Variants in PSD3 observed in about 807,000 individuals in gnomAD.
PSD3 encodes pleckstrin and Sec7 domain containing 3.
A neutral mutation model predicts 105.5 loss-of-function variants in PSD3; 49 were observed. The observed-to-expected ratio is 0.46, with a 90% confidence interval of 0.37 to 0.59. PSD3 has a LOEUF of 0.59. Among genes scored for constraint, PSD3 ranks in the 20% least tolerant of loss-of-function variants. The pLI is 0.00. For missense variants in PSD3, 1,561 were observed against 1,263.8 expected (o/e 1.24, Z -3.57); for synonymous variants, 557 against 457.8 (o/e 1.22, Z -2.77).
chr8:18,810,784 G>T (rs1811620195), intron 4 of PSD3, among the ~76,000 whole-genome samples: 1 of 152,156 alleles, frequency 6.6e-6, no homozygotes, highest in Non-Finnish European at 1.5e-5. Context: ...GGAATAAAAA[G>T]ACCAGTGGGA....
chr8:18,758,075 T>G (rs1184420633), intron 9 of PSD3, among the ~76,000 whole-genome samples: 3 of 152,050 alleles, frequency 2.0e-5, no homozygotes, highest in Non-Finnish European at 2.9e-5. Flanking sequence ...AAGAACAGAG[T>G]CCTTGTGCCA....
At chr8:18,967,177 C>T (rs1258812944) in intron 1 of PSD3, among the ~76,000 whole-genome samples, 5 of 148,306 alleles carry the variant, frequency 3.4e-5, no homozygotes, top group East Asian at 2.0e-4. Flanking sequence ...TTTTTTGAGA[C>T]GGAGTTTCAC....
chr8:18,685,540 T>C (rs1432604486), intron 9 of PSD3, among the ~76,000 whole-genome samples: 1 of 152,162 alleles, frequency 6.6e-6, no homozygotes, highest in Non-Finnish European at 1.5e-5. Flanking sequence ...AGATTATTTT[T>C]GGAATAGGTT....
At chr8:18,712,672 C>T (rs968811240) in intron 9 of PSD3, among the ~76,000 whole-genome samples, 2 of 152,040 alleles carry the variant, frequency 1.3e-5, no homozygotes, top group Non-Finnish European at 2.9e-5. Flanking sequence ...AAGCCCAGGA[C>T]CAGATGCATT....
At chr8:18,616,647 G>T (rs1383945967) in intron 11 of PSD3, among the ~76,000 whole-genome samples, 2 of 54,872 alleles carry the variant, frequency 3.6e-5, no homozygotes, top group South Asian at 1.1e-3. Flanking sequence ...TTTTTGAGAC[G>T]GAGTCTCGCT....
intron 9 of PSD3, among the ~76,000 whole-genome samples, chr8:18,755,639 C>A (rs1805973869): frequency 6.6e-6 from 1 of 152,070 alleles, no homozygotes; most frequent in African/African-American, 2.4e-5. Context: ...TTAATGATTA[C>A]AACCACCACC....
intron 4 of PSD3, among the ~76,000 whole-genome samples, chr8:18,826,264 G>A (rs1057049526): frequency 2.6e-5 from 4 of 152,132 alleles, no homozygotes; most frequent in Non-Finnish European, 5.9e-5. Context: ...GCAGATGGCC[G>A]ATCGTGGGAC....
At chr8:18,582,242 C>G (rs906744596) in intron 12 of PSD3, among the ~76,000 whole-genome samples, 3 of 152,184 alleles carry the variant, frequency 2.0e-5, no homozygotes, top group Non-Finnish European at 4.4e-5. Flanking sequence ...CCTCAACTCT[C>G]CAATCTGCCT....
intron 10 of PSD3, among the ~76,000 whole-genome samples, chr8:18,633,097 G>T (rs764438618): frequency 6.6e-6 from 1 of 152,014 alleles, no homozygotes; most frequent in South Asian, 2.1e-4. Context: ...AGATAATGAA[G>T]ATATGATCAT....
intron 2 of PSD3, among the ~76,000 whole-genome samples, chr8:18,897,165 G>C (rs1273849196): frequency 6.6e-6 from 1 of 152,032 alleles, no homozygotes; most frequent in South Asian, 2.1e-4. Flanking sequence ...ATCTCATTAT[G>C]GTTTTGATTT....
rs187854431 is a variant in PSD3 at position 18,848,387 on chromosome 8, T to A, written c.1634+19287A>T. On this transcript the variant is annotated intron_variant, in intron 4 of 15. Transcript: ENST00000327040. ...GCAACCTAGCATCTGCAGATGGATCTCTTAGCCTCTTGCCAGAGCTGGTCC... is the reference window on the plus strand; with the variant it reads ...GCAACCTAGCATCTGCAGATGGATCACTTAGCCTCTTGCCAGAGCTGGTCC... 1.8e-4 allele frequency among the ~76,000 whole-genome samples: 27 copies of A among 152,312 alleles called. No individual in the cohort carries two copies. The East Asian group carries it at 5.2e-3, about 29-fold the overall frequency.
At position 18,582,873 on chromosome 8, in the gene PSD3, T is replaced by A. The variant is rs1356595432; in HGVS notation, c.2482-7588A>T. ...CAGAGTCTCGCTCTGTCACCCAGGC[T>A]GGAGTGCAGTGGCAAGATCTCGGCT... On this transcript the variant is annotated intron_variant, in intron 12 of 15. Coordinates refer to ENST00000327040, the MANE Select transcript of PSD3 (RefSeq NM_015310.4). Among the ~76,000 whole-genome samples, 7 of 145,806 alleles carry A rather than the reference T, an allele frequency of 4.8e-5. No homozygotes were observed. The East Asian group carries it at 1.3e-3, about 27-fold the overall frequency.
At chr8:19,065,115 T>C (rs1253330996) in intron 1 of PSD3, among the ~76,000 whole-genome samples, 2 of 152,220 alleles carry the variant, frequency 1.3e-5, no homozygotes, top group African/African-American at 2.4e-5. Flanking sequence ...TTTAACCCTA[T>C]AAGGAAAGTA....
At chr8:18,753,832 G>A (rs1034817699) in intron 9 of PSD3, among the ~76,000 whole-genome samples, 3 of 152,066 alleles carry the variant, frequency 2.0e-5, no homozygotes, top group Admixed American at 6.6e-5. Context: ...GACTCACTAA[G>A]TACATCCATT....
intron 4 of PSD3, among the ~76,000 whole-genome samples, chr8:18,830,759 C>T (rs958761073): frequency 1.3e-5 from 2 of 152,214 alleles, no homozygotes; most frequent in African/African-American, 4.8e-5. Context: ...ACTGCTCCCA[C>T]TGCAGTGTAG....
chr8:18,752,411 C>A (rs963171400), intron 9 of PSD3, among the ~76,000 whole-genome samples: 17 of 136,658 alleles, frequency 1.2e-4, no homozygotes, highest in African/African-American at 3.1e-4. Context: ...AGATCAAATG[C>A]AAGTGATAAG....
chr8:18,692,059 C>G (rs1389034866), intron 9 of PSD3, among the ~76,000 whole-genome samples: 1 of 152,066 alleles, frequency 6.6e-6, no homozygotes, highest in Non-Finnish European at 1.5e-5. Flanking sequence ...TAATGTCAAG[C>G]CATATTTAGT....
intron 2 of PSD3, among the ~76,000 whole-genome samples, chr8:18,895,903 T>C (rs1402619075): frequency 6.6e-6 from 1 of 152,224 alleles, no homozygotes; most frequent in East Asian, 1.9e-4. Flanking sequence ...AACTTATTCA[T>C]CCTAGCTAGC....
chr8:18,614,917 T>G (rs555702305), intron 11 of PSD3, among the ~76,000 whole-genome samples: 2 of 152,144 alleles, frequency 1.3e-5, no homozygotes, highest in Non-Finnish European at 2.9e-5. Context: ...ATTACAGGTG[T>G]GAACCACTGC....
Sources: gnomAD v4.1 joint callset for allele counts (sites outside exome capture counted in the v4.1 genomes callset) on GRCh38, gnomAD v4.1.1 for gene constraint, MANE v1.5 for transcripts, NCBI Gene and HGNC (gene_info 2026-07-23, HGNC 2026-07-21) for gene names.